VWC2L: variants seen among roughly 807,000 people sequenced by gnomAD.
The protein encoded by VWC2L is von Willebrand factor C domain containing 2 like, also known as von Willebrand factor C domain-containing protein 2-like.
VWC2L carries 10 observed loss-of-function variants against 21.6 expected under a neutral mutation model. The observed-to-expected ratio is 0.46, with a 90% CI of 0.29 to 0.78. The LOEUF (loss-of-function observed/expected upper bound fraction) is 0.78. Among genes scored for constraint, VWC2L ranks in the 30% least tolerant of loss-of-function variants. The probability of loss-of-function intolerance (pLI) is 0.10; values close to 1 mark genes in which losing one functional copy is unlikely to be tolerated. For synonymous variants in VWC2L, 96 were observed against 94.3 expected, an observed-to-expected ratio of 1.02 and a Z score of -0.10; for missense variants, 209 against 277.1, an observed-to-expected ratio of 0.75 and a Z score of 1.74.
At chr2:214,499,184 A>T (rs971654499) in intron 3 of VWC2L, among the ~76,000 whole-genome samples, 2 of 151,498 alleles carry the variant, frequency 1.3e-5, no homozygotes, top group Non-Finnish European at 1.5e-5. Context: ...ATGCCCAGCT[A>T]ATTTTTGTAT....
At chr2:214,425,942 C>T (rs1490669907) in intron 2 of VWC2L, among the ~76,000 whole-genome samples, 1 of 151,840 alleles carries the variant, frequency 6.6e-6, no homozygotes, top group African/African-American at 2.4e-5. Context: ...GAGGCTGAGG[C>T]GGGCAGATCA....
At chr2:214,490,123 A>G (rs1313665885) in intron 3 of VWC2L, among the ~76,000 whole-genome samples, 2 of 152,180 alleles carry the variant, frequency 1.3e-5, no homozygotes, top group Non-Finnish European at 2.9e-5. Context: ...CTGATGATAT[A>G]TTTGGGAATG....
At chr2:214,414,725 G>A (rs1702329440) in intron 2 of VWC2L, 142 bp downstream of exon 2, 1 of 905,462 alleles carries the variant, frequency 1.1e-6, no homozygotes, top group Non-Finnish European at 1.6e-6. Flanking sequence ...ATTACCATAA[G>A]TAGCACCATG....
At chr2:214,462,177 A>C (rs1479522281) in intron 3 of VWC2L, among the ~76,000 whole-genome samples, 1 of 152,176 alleles carries the variant, frequency 6.6e-6, no homozygotes, top group East Asian at 1.9e-4. Context: ...TGTGAAACCT[A>C]GAATGATCTT....
intron 2 of VWC2L, among the ~76,000 whole-genome samples, chr2:214,426,784 T>A (rs1702529763): frequency 6.6e-6 from 1 of 152,192 alleles, no homozygotes; most frequent in South Asian, 2.1e-4. Context: ...ATAGTGTAGT[T>A]TTCATTTTGG....
chr2:214,534,782 T>C (rs1233482263), intron 3 of VWC2L, among the ~76,000 whole-genome samples: 1 of 152,128 alleles, frequency 6.6e-6, no homozygotes, highest in Non-Finnish European at 1.5e-5. Flanking sequence ...TAACTCCAGT[T>C]CTGAAAGTCT....
In VWC2L at chr2:214,414,127, T is replaced by C; in HGVS notation, c.-67T>C. The C allele has an allele frequency of 1.3e-6, 2 of 1,509,388 alleles. No individual in the cohort carries two copies. The highest frequency in any genetic ancestry group is 1.4e-5 in the African/African-American group (1 of 71,118). 93.5% of individuals were successfully genotyped at this position (1,509,388 alleles called of 1,614,324 possible). On this transcript the variant is annotated 5_prime_UTR_variant, in exon 2 of 4. Transcript: ENST00000312504. The stretch of plus-strand genomic sequence containing the variant: ...ATTTATTTTCAGCCTACCCCTCTTG[T>C]ATTCCCATGGAAGGAGCTGAGTATA...
At chr2:214,501,708 C>A (rs1218789311) in intron 3 of VWC2L, among the ~76,000 whole-genome samples, 1 of 101,770 alleles carries the variant, frequency 9.8e-6, no homozygotes, top group African/African-American at 3.6e-5. Context: ...GGTGACAGAG[C>A]AAGACTCTGT....
At chr2:214,469,573 C>A (rs532662380) in intron 3 of VWC2L, among the ~76,000 whole-genome samples, 3 of 150,320 alleles carry the variant, frequency 2.0e-5, no homozygotes, top group African/African-American at 4.9e-5. Flanking sequence ...CCAGCCTGGG[C>A]GACAGAGGGA....
intron 3 of VWC2L, among the ~76,000 whole-genome samples, chr2:214,502,124 T>C (rs923430903): frequency 3.3e-5 from 5 of 152,254 alleles, no homozygotes; most frequent in African/African-American, 4.8e-5. Flanking sequence ...CTGTTTTTCC[T>C]TCTTCAATAT....
chr2:214,531,260 T>C (rs567792581), intron 3 of VWC2L, among the ~76,000 whole-genome samples: 1 of 152,284 alleles, frequency 6.6e-6, no homozygotes, highest in South Asian at 2.1e-4. Context: ...TTTTGACGAG[T>C]AAACGCATTC....
intron 3 of VWC2L, among the ~76,000 whole-genome samples, chr2:214,483,140 G>A (rs1419017196): frequency 6.6e-6 from 1 of 152,116 alleles, no homozygotes; most frequent in Admixed American, 6.5e-5. Flanking sequence ...CATGTAAACA[G>A]AACCTAAGTA....
chr2:214,428,270 C>T (rs984049590), intron 2 of VWC2L, among the ~76,000 whole-genome samples: 5 of 152,166 alleles, frequency 3.3e-5, no homozygotes, highest in African/African-American at 4.8e-5. Context: ...TTATTATTAG[C>T]TCCATCTTAC....
intron 3 of VWC2L, among the ~76,000 whole-genome samples, chr2:214,557,153 G>A (rs556426044): frequency 4.5e-4 from 68 of 152,178 alleles, no homozygotes; most frequent in Non-Finnish European, 7.5e-4. Flanking sequence ...AGACATACCC[G>A]AGACTGGGTA....
intron 3 of VWC2L, among the ~76,000 whole-genome samples, chr2:214,457,588 T>C (rs949445596): frequency 2.6e-5 from 4 of 152,098 alleles, no homozygotes; most frequent in Non-Finnish European, 2.9e-5. Flanking sequence ...AAAAAGACTT[T>C]CAGCTTCTTC....
At chr2:214,425,796 T>C (rs1702515271) in intron 2 of VWC2L, among the ~76,000 whole-genome samples, 1 of 152,070 alleles carries the variant, frequency 6.6e-6, no homozygotes. Flanking sequence ...ACCCTCAAGG[T>C]GCGCCTAGTC....
At chr2:214,543,009 C>G (rs529050878) in intron 3 of VWC2L, among the ~76,000 whole-genome samples, 15 of 152,152 alleles carry the variant, frequency 9.9e-5, no homozygotes, top group Non-Finnish European at 1.8e-4. Context: ...ATGAAAAAAT[C>G]TTAATCCTGC....
At chr2:214,517,916 C>G (rs1270246849) in intron 3 of VWC2L, among the ~76,000 whole-genome samples, 1 of 152,160 alleles carries the variant, frequency 6.6e-6, no homozygotes, top group Admixed American at 6.5e-5. Context: ...CCTGTAATAC[C>G]AGCACTTTGG....
At chr2:214,484,252 T>TAA (rs1688645852) in intron 3 of VWC2L, among the ~76,000 whole-genome samples, 1 of 152,188 alleles carries the variant, frequency 6.6e-6, no homozygotes, top group Admixed American at 6.5e-5. Context: ...AGGTGCTGAA[T>TAA]GGACAAATTT....
Sources: gnomAD v4.1 joint callset for allele counts (sites outside exome capture counted in the v4.1 genomes callset) on GRCh38, gnomAD v4.1.1 for gene constraint, MANE v1.5 for transcripts, NCBI Gene and HGNC (gene_info 2026-07-23, HGNC 2026-07-21) for gene names.